Variants in TRPC6 observed in about 807,000 individuals in gnomAD.
TRPC6 encodes the protein transient receptor potential cation channel subfamily C member 6, also known as short transient receptor potential channel 6.
Under a neutral mutation model 90.7 loss-of-function variants are expected in TRPC6, and 55 were observed. That is an observed-to-expected ratio of 0.61 (90% CI 0.49 to 0.76). TRPC6 has a LOEUF of 0.76. Among genes scored for constraint, TRPC6 ranks in the 30% least tolerant of loss-of-function variants. The probability of loss-of-function intolerance (pLI) is 0.00; values close to 1 mark genes in which losing one functional copy is unlikely to be tolerated. For synonymous variants in TRPC6, 393 were observed against 393.0 expected (o/e 1.00, Z 0.00); for missense variants, 989 against 1,122.7 (o/e 0.88, Z 1.70).
Position 101,583,529 on chromosome 11 carries a change from C to T in TRPC6, c.-26G>A, listed in dbSNP as rs1386484599. On this transcript the variant is annotated 5_prime_UTR_variant, in exon 1 of 13. Transcript: ENST00000344327. ...GGCGGGAACGCCCGACTGGCCTGGG[C>T]CCCGCTCCCGGGGGAGCCGAGTGGG... The T allele has an allele frequency of 1.0e-5, 15 of 1,431,308 alleles. No individual in the cohort carries two copies. The highest frequency in any genetic ancestry group is 1.4e-5 in the Non-Finnish European group (15 of 1,097,614). The allele number at this position is 1,431,308 out of a possible 1,614,324, so 88.7% of individuals were successfully genotyped here.
intron 10 of TRPC6, among the ~76,000 whole-genome samples, chr11:101,467,613 G>A (rs945633967): frequency 1.3e-5 from 2 of 152,154 alleles, no homozygotes; most frequent in Non-Finnish European, 2.9e-5. Flanking sequence ...ACTTAATTCC[G>A]TGTTTCCTAT....
intron 10 of TRPC6, among the ~76,000 whole-genome samples, chr11:101,459,720 CTT>C (rs1295243315): frequency 6.6e-6 from 1 of 152,074 alleles, no homozygotes; most frequent in African/African-American, 2.4e-5. Context: ...TGTCCAGTGA[CTT>C]ATTATACATC....
intron 1 of TRPC6, among the ~76,000 whole-genome samples, chr11:101,579,602 A>C (rs1285636035): frequency 6.6e-6 from 1 of 152,168 alleles, no homozygotes; most frequent in African/African-American, 2.4e-5. Flanking sequence ...TTACTCTTAT[A>C]GGAACCTCAG....
At chr11:101,500,208 T>TTC (rs1860081791) in intron 2 of TRPC6, among the ~76,000 whole-genome samples, 1 of 113,766 alleles carries the variant, frequency 8.8e-6, no homozygotes, top group African/African-American at 3.7e-5. Context: ...TGTATTTTTT[T>TTC]TCTTTCTTTT....
At chr11:101,548,875 T>C (rs1861388941) in intron 1 of TRPC6, among the ~76,000 whole-genome samples, 1 of 151,990 alleles carries the variant, frequency 6.6e-6, no homozygotes, top group South Asian at 2.1e-4. Flanking sequence ...ATAATTTTGC[T>C]TTGTCAAAAA....
At chr11:101,503,593 G>C (rs143738858) in intron 2 of TRPC6, among the ~76,000 whole-genome samples, 249 of 152,206 alleles carry the variant, frequency 1.6e-3, no homozygotes, top group Non-Finnish European at 2.9e-3. Context: ...GACCTCAACA[G>C]CATCTATCAC....
intron 1 of TRPC6, among the ~76,000 whole-genome samples, chr11:101,563,808 G>T (rs754357231): frequency 6.6e-6 from 1 of 152,144 alleles, no homozygotes; most frequent in African/African-American, 2.4e-5. Flanking sequence ...CCAAGGTGAG[G>T]GCAGTACAGG....
At chr11:101,564,418 T>C (rs1240332773) in intron 1 of TRPC6, among the ~76,000 whole-genome samples, 1 of 152,214 alleles carries the variant, frequency 6.6e-6, no homozygotes, top group African/African-American at 2.4e-5. Context: ...GTGGCACTTT[T>C]ATTTCTTCCT....
chr11:101,525,362 T>C (rs946027414), intron 1 of TRPC6, among the ~76,000 whole-genome samples: 6 of 152,210 alleles, frequency 3.9e-5, no homozygotes, highest in African/African-American at 1.4e-4. Flanking sequence ...TGTGGTTTTA[T>C]TGTAATAAGT....
intron 2 of TRPC6, among the ~76,000 whole-genome samples, chr11:101,500,671 A>C (rs1860097152): frequency 6.6e-6 from 1 of 152,112 alleles, no homozygotes; most frequent in Non-Finnish European, 1.5e-5. Flanking sequence ...TGTGTGTGTT[A>C]TATGTATTTT....
chr11:101,534,978 A>G (rs1861003529), intron 1 of TRPC6, among the ~76,000 whole-genome samples: 1 of 152,176 alleles, frequency 6.6e-6, no homozygotes, highest in South Asian at 2.1e-4. Flanking sequence ...CCTGGCCAAC[A>G]TGGCAAAACC....
intron 11 of TRPC6, among the ~76,000 whole-genome samples, chr11:101,454,067 C>T (rs1279916844): frequency 1.3e-5 from 2 of 152,058 alleles, no homozygotes; most frequent in Non-Finnish European, 2.9e-5. Context: ...TACACTACTG[C>T]TCGTGGAAAT....
Position 101,453,585 on chromosome 11 carries a change from A to G in TRPC6, c.2644+65T>C, listed in dbSNP as rs889548273. The G allele has an allele frequency of 2.0e-6, 3 of 1,469,880 alleles. No homozygotes were observed. The African/African-American group carries it at 4.2e-5, about 20-fold the overall frequency. 91.1% of individuals were successfully genotyped at this position (1,469,880 alleles called of 1,614,324 possible). A position where few individuals can be genotyped will look rare whatever the true frequency, so the allele number is the denominator to read the frequency against. The stretch of plus-strand genomic sequence containing the variant: ...TACGCATCTCTGCAGCTCTCCAGGC[A>G]CTCTGCGCTAGGCCCCCGTCCTGAC... On this transcript the variant is annotated intron_variant, in intron 12 of 12. Coordinates refer to ENST00000344327, the MANE Select transcript of TRPC6 (RefSeq NM_004621.6).
chr11:101,453,494 C>CTCTT (rs1565441351), intron 12 of TRPC6, 156 bp downstream of exon 12: 8 of 767,260 alleles, frequency 1.0e-5, no homozygotes, highest in African/African-American at 1.7e-5. Flanking sequence ...CTGTTCCCCA[C>CTCTT]TCTTTAACAG....
At chr11:101,574,175 A>T (rs1175009474) in intron 1 of TRPC6, among the ~76,000 whole-genome samples, 3 of 151,090 alleles carry the variant, frequency 2.0e-5, no homozygotes, top group Non-Finnish European at 4.4e-5. Flanking sequence ...GGCACAGAGC[A>T]CAATCCTGTG....
chr11:101,542,048 C>A (rs1861184232), intron 1 of TRPC6, among the ~76,000 whole-genome samples: 1 of 151,970 alleles, frequency 6.6e-6, no homozygotes, highest in Non-Finnish European at 1.5e-5. Flanking sequence ...GGCGCATTCT[C>A]TACTGGAAGA....
At chr11:101,468,517 C>T (rs1859205953) in intron 10 of TRPC6, among the ~76,000 whole-genome samples, 1 of 152,160 alleles carries the variant, frequency 6.6e-6, no homozygotes, top group Admixed American at 6.5e-5. Context: ...TGAGATATAA[C>T]AACAGAAATT....
chr11:101,513,760 G>C (rs894022791), intron 1 of TRPC6, among the ~76,000 whole-genome samples: 1 of 152,124 alleles, frequency 6.6e-6, no homozygotes, highest in Non-Finnish European at 1.5e-5. Context: ...GAAATTCTAA[G>C]TTGATGTTCA....
intron 1 of TRPC6, among the ~76,000 whole-genome samples, chr11:101,548,917 C>G (rs765550909): frequency 1.3e-5 from 2 of 151,916 alleles, no homozygotes; most frequent in Non-Finnish European, 2.9e-5. Context: ...TTGACAAGTT[C>G]TGAAAGAGTG....
Sources: allele counts gnomAD v4.1 joint callset (sites outside exome capture counted in the v4.1 genomes callset), GRCh38; gene constraint gnomAD v4.1.1; transcripts MANE v1.5; gene names NCBI Gene and HGNC (gene_info 2026-07-23, HGNC 2026-07-21).